TXNDC16: variants seen among roughly 807,000 people sequenced by gnomAD.
TXNDC16 encodes thioredoxin domain-containing protein 16.
A neutral mutation model predicts 85.6 loss-of-function variants in TXNDC16; 74 were observed. The ratio of observed to expected loss-of-function variants is 0.86; its 90% CI spans 0.72 to 1.05. The LOEUF is 1.05. Among genes scored for constraint, TXNDC16 ranks in the 50% least tolerant of loss-of-function variants. The pLI, the probability that TXNDC16 is intolerant of heterozygous loss-of-function variation, is 0.00. For synonymous variants in TXNDC16, 335 were observed against 326.5 expected (o/e 1.03, Z -0.28); for missense variants, 959 against 947.0 (o/e 1.01, Z -0.17).
intron 11 of TXNDC16, among the ~76,000 whole-genome samples, chr14:52,490,071 C>T (rs972661106): frequency 1.3e-5 from 2 of 152,124 alleles, no homozygotes; most frequent in African/African-American, 4.8e-5. Context: ...TCAAGCGATC[C>T]ACCTGCCTCA....
In TXNDC16 at chr14:52,451,178, C is replaced by T. The variant is rs535614717; in HGVS notation, c.1842+4146G>A. Among the ~76,000 whole-genome samples, 24 of 151,384 alleles carry T rather than the reference C, an allele frequency of 1.6e-4. No homozygotes were observed. In the South Asian group the frequency reaches 2.9e-3, roughly 18 times the overall value. On this transcript the variant is annotated intron_variant, in intron 18 of 20. Coordinates refer to ENST00000281741, the MANE Select transcript of TXNDC16 (RefSeq NM_020784.3). ...TATACATTGGGTACAGTGCATAATG[C>T]TCAGGTGATGGGTGCAGAAATCACC...
Position 52,490,421 on chromosome 14 carries a change from A to G in TXNDC16, c.954T>C (p.Asp318=), listed in dbSNP as rs1456651476. 1.2e-6 allele frequency: 2 copies of G among 1,602,716 alleles called. No homozygotes were observed. The highest frequency in any genetic ancestry group is 1.7e-6 in the Non-Finnish European group (2 of 1,175,990). The change falls in exon 11 of 21, where the codon GAT becomes GAC. Residue 318 remains aspartate, a synonymous_variant. Transcript: ENST00000281741. ...RDSLEVNIPQ[D]ANVVFKRAEE... ...CTGCTCTTTTGAAGACCACATTAGCATCTTGAGGAATGTTCACTTCCAAAG... is the reference window on the plus strand; with the variant it reads ...CTGCTCTTTTGAAGACCACATTAGCGTCTTGAGGAATGTTCACTTCCAAAG...
rs552239912 is a variant in TXNDC16 at position 52,497,677 on chromosome 14, C to T, written c.757-6672G>A. Among the ~76,000 whole-genome samples the T allele has an allele frequency of 1.4e-4, 21 of 152,122 alleles. 1 individual carries two copies. Among genetic ancestry groups the T allele is most frequent in the African/African-American group, 4.3e-4 (18 of 41,514 alleles). On this transcript the variant is annotated intron_variant, in intron 9 of 20. Coordinates refer to ENST00000281741, the MANE Select transcript of TXNDC16 (RefSeq NM_020784.3). ...GGCGGATTGCCTGAGCTCAGGAGTT[C>T]GAGACCAGCCTGGGCAACATGGTGA...
intron 9 of TXNDC16, 78 bp from the exon 10 acceptor site, chr14:52,491,083 T>G (rs894443335): frequency 2.1e-6 from 3 of 1,452,106 alleles, no homozygotes; most frequent in Middle Eastern, 4.1e-4. Context: ...TAATTCTTAT[T>G]AATAAAGTCA....
intron 14 of TXNDC16, among the ~76,000 whole-genome samples, chr14:52,481,125 T>C (rs572510162): frequency 6.6e-6 from 1 of 151,840 alleles, no homozygotes; most frequent in Admixed American, 6.6e-5. Context: ...CTCACTCATA[T>C]TTGGGAGCTA....
chr14:52,457,239 G>A (rs911235317), intron 16 of TXNDC16, 65 bp from the exon 17 acceptor site: 1 of 880,582 alleles, frequency 1.1e-6, no homozygotes, highest in African/African-American at 1.8e-5. Flanking sequence ...TTCAACTGAT[G>A]AAGAGATTTA....
At chr14:52,511,807 C>T (rs2036962923) in intron 8 of TXNDC16, among the ~76,000 whole-genome samples, 1 of 151,952 alleles carries the variant, frequency 6.6e-6, no homozygotes, top group African/African-American at 2.4e-5. Flanking sequence ...TAATTTAAAC[C>T]CAAAGCTGTT....
At chr14:52,518,048 C>G (rs1186420823) in intron 7 of TXNDC16, among the ~76,000 whole-genome samples, 1 of 152,200 alleles carries the variant, frequency 6.6e-6, no homozygotes, top group Non-Finnish European at 1.5e-5. Context: ...CATCATTTAA[C>G]ACAATTGTTC....
chr14:52,443,033 C>G (rs2035201175), intron 18 of TXNDC16, among the ~76,000 whole-genome samples: 1 of 152,004 alleles, frequency 6.6e-6, no homozygotes, highest in Non-Finnish European at 1.5e-5. Flanking sequence ...TAAGTGTCAA[C>G]TTGATTGGAT....
At chr14:52,509,752 G>A (rs2036909873) in intron 9 of TXNDC16, among the ~76,000 whole-genome samples, 1 of 152,054 alleles carries the variant, frequency 6.6e-6, no homozygotes, top group Non-Finnish European at 1.5e-5. Context: ...GTCCAGGCGG[G>A]CAGATCATGA....
At chr14:52,457,054 TCTCC>T (rs1395527447) in intron 17 of TXNDC16, 32 bp downstream of exon 17, 2 of 1,367,092 alleles carry the variant, frequency 1.5e-6, no homozygotes, top group Non-Finnish European at 2.0e-6. Flanking sequence ...TTGCATAATT[TCTCC>T]CTCCCTAAAA....
chr14:52,482,417 A>G (rs542511530), intron 13 of TXNDC16, 128 bp from the exon 14 acceptor site: 2 of 756,208 alleles, frequency 2.6e-6, no homozygotes, highest in Non-Finnish European at 2.1e-6. Context: ...ATTCTACTAT[A>G]CATTTCTCAA....
rs1396937651 is a variant in TXNDC16 at position 52,470,086 on chromosome 14, C to G, written c.1569G>C (p.Leu523Phe). Residue 523 changes from leucine (L) to phenylalanine (F), a missense_variant, in exon 16 of 21, where the codon TTG becomes TTC. By Grantham distance (22) the Leu-to-Phe change is conservative. Transcript: ENST00000281741. ...GTCCCAATACTGACACACTAGAATA[C>G]AAGATGAGGTCTTTATATAATTCCC... ...LSGELYKDLI[L>F]YSSVSVLGLF... is the part of the protein sequence containing the mutation. The G allele has an allele frequency of 7.4e-6, 12 of 1,611,408 alleles. No individual in the cohort carries two copies. The highest frequency in any genetic ancestry group is 1.0e-5 in the Non-Finnish European group (12 of 1,178,680).
At chr14:52,502,809 G>T (rs953397470) in intron 9 of TXNDC16, among the ~76,000 whole-genome samples, 4 of 152,190 alleles carry the variant, frequency 2.6e-5, no homozygotes, top group Non-Finnish European at 5.9e-5. Flanking sequence ...AGGGGTCAGG[G>T]AATTCCCTTT....
At chr14:52,491,970 G>C (rs1452117279) in intron 9 of TXNDC16, among the ~76,000 whole-genome samples, 2 of 152,190 alleles carry the variant, frequency 1.3e-5, no homozygotes, top group African/African-American at 2.4e-5. Context: ...GGAACTGTCA[G>C]TGTTAGGCAT....
At chr14:52,462,295 A>C (rs914870140) in intron 16 of TXNDC16, among the ~76,000 whole-genome samples, 3 of 152,212 alleles carry the variant, frequency 2.0e-5, no homozygotes, top group Non-Finnish European at 1.5e-5. Flanking sequence ...TCTTAGCCTC[A>C]AACATTCCCC....
intron 4 of TXNDC16, among the ~76,000 whole-genome samples, chr14:52,539,407 C>G (rs1300496756): frequency 6.6e-6 from 1 of 152,128 alleles, no homozygotes; most frequent in Non-Finnish European, 1.5e-5. Flanking sequence ...AAGATGACCA[C>G]TATGTATTAA....
At chr14:52,511,425 C>A in intron 8 of TXNDC16, 35 bp from the exon 9 acceptor site, 2 of 1,425,888 alleles carry the variant, frequency 1.4e-6, no homozygotes, top group South Asian at 2.8e-5. Flanking sequence ...TAATGAAGTT[C>A]AATATGTGAT....
At chr14:52,449,876 A>C (rs1401833342) in intron 18 of TXNDC16, among the ~76,000 whole-genome samples, 1 of 152,106 alleles carries the variant, frequency 6.6e-6, no homozygotes. Flanking sequence ...GAAGAAATTA[A>C]AAAAGAAATT....
Sources: gnomAD v4.1 joint callset for allele counts (sites outside exome capture counted in the v4.1 genomes callset) on GRCh38, gnomAD v4.1.1 for gene constraint, MANE v1.5 for transcripts, NCBI Gene and HGNC (gene_info 2026-07-23, HGNC 2026-07-21) for gene names.